Variants in ZNF469 observed in about 807,000 individuals in gnomAD.
ZNF469 encodes the protein zinc finger protein 469.
A neutral mutation model predicts 1.0 loss-of-function variants in ZNF469; 1 was observed. That is an observed-to-expected ratio of 1.00 (90% CI 0.35 to 4.73). The LOEUF (loss-of-function observed/expected upper bound fraction) is 4.73, where lower values mean the gene tolerates loss of function less well. ZNF469 is among the 30% of genes most tolerant of loss of function. The probability of loss-of-function intolerance (pLI) is 0.16; values close to 1 mark genes in which losing one functional copy is unlikely to be tolerated. For missense variants in ZNF469, 6,100 were observed against 5,356.3 expected, an observed-to-expected ratio of 1.14 and a Z score of -4.33; for synonymous variants, 2,703 against 2,363.4, an observed-to-expected ratio of 1.14 and a Z score of -4.17.
chr16:88,116,422 T>C, the ZNF469 span, among the ~76,000 whole-genome samples: 9 of 152,214 alleles, frequency 5.9e-5, no homozygotes, highest in Non-Finnish European at 1.3e-4. Context: ...GCAAATGGCA[T>C]GGCCACTGTA....
the ZNF469 span, among the ~76,000 whole-genome samples, chr16:88,297,377 G>A: frequency 6.6e-6 from 1 of 152,212 alleles, no homozygotes; most frequent in Non-Finnish European, 1.5e-5. Flanking sequence ...CACCCTCCAC[G>A]TCCGCTTTCC....
chr16:88,334,819 G>T, the ZNF469 span, among the ~76,000 whole-genome samples: 2 of 151,790 alleles, frequency 1.3e-5, no homozygotes, highest in African/African-American at 2.4e-5. Flanking sequence ...AGGGAGCCGT[G>T]TGGGAAGATG....
the ZNF469 span, among the ~76,000 whole-genome samples, chr16:88,213,219 C>G: frequency 6.6e-6 from 1 of 152,180 alleles, no homozygotes; most frequent in Non-Finnish European, 1.5e-5. Context: ...CTGCCTCAGC[C>G]TGCCGAGTAG....
chr16:88,411,948 A>G lies in ZNF469; in HGVS notation c.-191-12859A>G, dbSNP rs1297671668. On this transcript the variant is annotated intron_variant, in intron 1 of 2. Coordinates refer to ENST00000565624, the MANE Select transcript of ZNF469 (RefSeq NM_001367624.2). The stretch of plus-strand genomic sequence containing the variant: ...CAGAAGAGACGAAACCCTGATGTTC[A>G]TGGAGCCCTGGCGTGGTGTCGCACA... Among the ~76,000 whole-genome samples, 4 of 152,412 alleles carry G rather than the reference A, an allele frequency of 2.6e-5. No individual in the cohort carries two copies. In the East Asian group the frequency reaches 7.7e-4, roughly 29 times the overall value.
At chr16:88,179,210 A>G in the ZNF469 span, among the ~76,000 whole-genome samples, 1 of 152,046 alleles carries the variant, frequency 6.6e-6, no homozygotes, top group Non-Finnish European at 1.5e-5. Flanking sequence ...CCAGTGTTGG[A>G]GTGAGGCCTA....
At chr16:88,144,848 C>CT in the ZNF469 span, among the ~76,000 whole-genome samples, 47 of 150,308 alleles carry the variant, frequency 3.1e-4, no homozygotes, top group Middle Eastern at 3.4e-3. Flanking sequence ...TTTTGCCCCC[C>CT]TTTTTTTTTT....
chr16:88,256,903 T>TC, the ZNF469 span, among the ~76,000 whole-genome samples: 834 of 8,216 alleles, frequency 0.1, 31 homozygotes, highest in African/African-American at 0.17. Flanking sequence ...TCCTTCTTTC[T>TC]TTCTTTCTTT....
At chr16:88,247,328 GTGAATGAGTGAATGAGTGAGTGAA>G in the ZNF469 span, among the ~76,000 whole-genome samples, 3 of 67,622 alleles carry the variant, frequency 4.4e-5, no homozygotes, top group East Asian at 1.7e-3. Flanking sequence ...TGAGTGAATG[GTGAATGAGTGAATGAGTGAGTGAA>G]TGAGTGAGTG....
chr16:88,209,849 A>G, the ZNF469 span, among the ~76,000 whole-genome samples: 54 of 152,342 alleles, frequency 3.5e-4, no homozygotes, highest in African/African-American at 1.2e-3. Flanking sequence ...TTGCAATTAC[A>G]TGCAATGTTG....
At chr16:88,426,144 C>G (rs1017555265) in intron 2 of ZNF469, among the ~76,000 whole-genome samples, 3 of 152,232 alleles carry the variant, frequency 2.0e-5, no homozygotes, top group African/African-American at 7.2e-5. Context: ...AGGAGGCAGC[C>G]CCCGCCTCCA....
rs1322477263 is a variant in ZNF469 at position 88,436,765 on chromosome 16, G to T, written c.9295G>T (p.Gly3099Trp). Residue 3099 changes from glycine to tryptophan, a missense_variant, in exon 3 of 3, where the codon GGG becomes TGG. By Grantham distance (184) the Gly-to-Trp change is radical. Transcript: ENST00000565624. ...SRRTEEAAGA[G>W]RAQGRGRPAK... ...AAGGACAGAGGAGGCTGCAGGGGCA[G>T]GGAGGGCCCAAGGCAGAGGCCGGCC... The T allele has an allele frequency of 1.9e-6, 3 of 1,547,210 alleles. No homozygotes were observed. Among genetic ancestry groups the T allele is most frequent in the Non-Finnish European group, 1.7e-6 (2 of 1,146,300 alleles).
upstream of ZNF469, among the ~76,000 whole-genome samples, chr16:88,381,352 T>A: frequency 9.4e-6 from 1 of 106,330 alleles, no homozygotes; most frequent in African/African-American, 4.1e-5. Context: ...AGACACACAC[T>A]TATACACACA....
At chr16:88,174,578 T>C in the ZNF469 span, among the ~76,000 whole-genome samples, 1 of 146,210 alleles carries the variant, frequency 6.8e-6, no homozygotes, top group African/African-American at 2.6e-5. Context: ...TATAGGTGGA[T>C]TTCCTCCCAC....
rs765339766 is a variant in ZNF469, at chr16:88,436,525, G to A, written c.9055G>A (p.Glu3019Lys). ...SSSSLGDVSPEPPSLERERCD... is the reference protein window; with the variant it reads ...SSSSLGDVSPKPPSLERERCD... ...CTCTTCTCTCGGAGATGTGAGCCCC[G>A]AGCCCCCCAGCCTGGAGAGAGAACG... Residue 3019 changes from glutamate to lysine, a missense_variant, in exon 3 of 3, where the codon GAG (glutamate) becomes AAG (lysine). By Grantham distance (56) the Glu-to-Lys change is moderately conservative. Transcript: ENST00000565624. The A allele has an allele frequency of 7.1e-6, 11 of 1,548,896 alleles. No individual in the cohort carries two copies. The Admixed American group carries it at 7.8e-5, about 11-fold the overall frequency.
At chr16:88,348,864 C>T in the ZNF469 span, among the ~76,000 whole-genome samples, 16 of 152,132 alleles carry the variant, frequency 1.1e-4, no homozygotes, top group Non-Finnish European at 2.1e-4. Flanking sequence ...CACAGGCACT[C>T]GGCATCACGC....
At chr16:88,102,218 C>G in the ZNF469 span, among the ~76,000 whole-genome samples, 1 of 152,174 alleles carries the variant, frequency 6.6e-6, no homozygotes, top group Non-Finnish European at 1.5e-5. Flanking sequence ...TGGATAAAAA[C>G]AGGCAGGGCC....
chr16:88,422,535 G>A (rs1905506776), intron 1 of ZNF469, among the ~76,000 whole-genome samples: 1 of 148,142 alleles, frequency 6.8e-6, no homozygotes, highest in African/African-American at 2.5e-5. Context: ...ATGCATGGAT[G>A]GGCAGGTGGA....
chr16:88,338,238 G>C, the ZNF469 span, among the ~76,000 whole-genome samples: 1 of 152,202 alleles, frequency 6.6e-6, no homozygotes, highest in Non-Finnish European at 1.5e-5. Context: ...GAAGGCAGGG[G>C]TCCCATGGGT....
At chr16:88,349,025 G>A in the ZNF469 span, among the ~76,000 whole-genome samples, 1 of 152,172 alleles carries the variant, frequency 6.6e-6, no homozygotes, top group Admixed American at 6.5e-5. Flanking sequence ...GCCCCAAGCC[G>A]ACTGCGGCCT....
Sources: gnomAD v4.1 joint callset for allele counts (sites outside exome capture counted in the v4.1 genomes callset) on GRCh38, gnomAD v4.1.1 for gene constraint, MANE v1.5 for transcripts, NCBI Gene and HGNC (gene_info 2026-07-23, HGNC 2026-07-21) for gene names.